Variants in SORT1 observed in about 807,000 individuals in gnomAD.
SORT1 encodes sortilin 1.
SORT1 carries 39 observed loss-of-function variants against 101.7 expected under a neutral mutation model. The observed-to-expected ratio is 0.38, with a 90% CI of 0.30 to 0.50. SORT1 has a LOEUF of 0.50. SORT1 is among the 20% of genes least tolerant of loss of function. The pLI, the probability that SORT1 is intolerant of heterozygous loss-of-function variation, is 0.90. For synonymous variants in SORT1, 396 were observed against 393.7 expected (o/e 1.01, Z -0.07); for missense variants, 878 against 1,040.4 (o/e 0.84, Z 2.15).
At chr1:109,355,328 A>G in intron 4 of SORT1, 39 bp downstream of exon 4, 1 of 999,036 alleles carries the variant, frequency 1.0e-6, no homozygotes, top group African/African-American at 1.6e-5. Flanking sequence ...TGCATGTGGT[A>G]TCAAGCACAA....
At chr1:109,328,315 G>A (rs944539166) in intron 11 of SORT1, among the ~76,000 whole-genome samples, 2 of 152,170 alleles carry the variant, frequency 1.3e-5, no homozygotes, top group African/African-American at 4.8e-5. Flanking sequence ...GAACTACTAT[G>A]CTGTTTTCTG....
chr1:109,347,417 C>A, intron 7 of SORT1, 66 bp downstream of exon 7: 3 of 1,140,850 alleles, frequency 2.6e-6, no homozygotes, highest in Non-Finnish European at 4.0e-6. Context: ...CTACCTTGCA[C>A]AACCCAGAAA....
chr1:109,368,199 C>A (rs1189944855), intron 2 of SORT1, among the ~76,000 whole-genome samples: 1 of 149,308 alleles, frequency 6.7e-6, no homozygotes, highest in Non-Finnish European at 1.5e-5. Flanking sequence ...GAGGCTGAGG[C>A]ATGAGAATTG....
intron 1 of SORT1, among the ~76,000 whole-genome samples, chr1:109,381,104 T>C (rs1426567207): frequency 2.6e-5 from 4 of 152,256 alleles, no homozygotes; most frequent in African/African-American, 9.6e-5. Context: ...TATTTGGTGA[T>C]GCAAATAAAA....
rs11804997 is a variant in SORT1 at position 109,382,436 on chromosome 1, G to A, written c.307-12847C>T. ...CAGGTGTGAACCACCACGCCTGGAC[G>A]CATGTTAGTTTATTCTTATTTATAT... On this transcript the variant is annotated intron_variant, in intron 1 of 19. Coordinates refer to ENST00000256637, the MANE Select transcript of SORT1 (RefSeq NM_002959.7). Among the ~76,000 whole-genome samples the A allele has an allele frequency of 8.7e-3, 1,317 of 152,098 alleles. 29 individuals are homozygous for A. Among genetic ancestry groups the A allele is most frequent in the African/African-American group, 0.03 (1,254 of 41,524 alleles).
intron 3 of SORT1, among the ~76,000 whole-genome samples, chr1:109,359,063 T>C (rs1323452365): frequency 6.6e-6 from 1 of 152,170 alleles, no homozygotes; most frequent in East Asian, 1.9e-4. Flanking sequence ...TAAAAGAATA[T>C]TATAAACTGG....
intron 7 of SORT1, 87 bp from the exon 8 acceptor site, chr1:109,345,968 T>C (rs538612872): frequency 1.9e-4 from 218 of 1,148,602 alleles, no homozygotes; most frequent in South Asian, 3.1e-4. Context: ...CTTAATTTTA[T>C]AGCTAAAGCA....
At chr1:109,387,370 G>A (rs549030408) in intron 1 of SORT1, among the ~76,000 whole-genome samples, 1 of 152,196 alleles carries the variant, frequency 6.6e-6, no homozygotes, top group African/African-American at 2.4e-5. Flanking sequence ...ATATGTGCCT[G>A]TAGTCCTAGC....
Position 109,314,254 on chromosome 1 carries a change from G to A in SORT1, c.2481+7C>T, listed in dbSNP as rs1442890217. On this transcript the variant is annotated splice_region_variant and intron_variant, in intron 19 of 19. Transcript: ENST00000256637. Reference sequence around the variant, plus strand: ...GGGTACTACCATTCAAGAAGAAATAGCCTCACCTCATCTGAGTCATCATGA... The same window carrying A: ...GGGTACTACCATTCAAGAAGAAATAACCTCACCTCATCTGAGTCATCATGA... 3.1e-6 allele frequency: 5 copies of A among 1,610,378 alleles called. No homozygotes were observed. In the African/African-American group the frequency reaches 5.4e-5, roughly 17 times the overall value.
At chr1:109,315,749 T>C (rs1304849750) in intron 17 of SORT1, among the ~76,000 whole-genome samples, 2 of 83,484 alleles carry the variant, frequency 2.4e-5, no homozygotes. Flanking sequence ...CCTCATAACC[T>C]TTTTTTTTTT....
At chr1:109,319,845 C>T (rs1415441732) in intron 15 of SORT1, among the ~76,000 whole-genome samples, 5 of 149,016 alleles carry the variant, frequency 3.4e-5, no homozygotes, top group Admixed American at 6.7e-5. Flanking sequence ...CCGGCCTGGG[C>T]GACAGCACGA....
chr1:109,321,671 A>G (rs1450324828), intron 15 of SORT1, among the ~76,000 whole-genome samples: 3 of 152,180 alleles, frequency 2.0e-5, no homozygotes, highest in African/African-American at 7.2e-5. Flanking sequence ...CTGCGATTTG[A>G]GAGAACATGA....
intron 15 of SORT1, among the ~76,000 whole-genome samples, chr1:109,318,637 G>A (rs1160684677): frequency 5.9e-5 from 9 of 152,074 alleles, no homozygotes; most frequent in Admixed American, 5.9e-4. Flanking sequence ...AGGGATACTT[G>A]GCAATTCTTT....
intron 1 of SORT1, among the ~76,000 whole-genome samples, chr1:109,374,873 C>T (rs557718799): frequency 5.9e-5 from 9 of 152,104 alleles, no homozygotes; most frequent in South Asian, 2.1e-4. Context: ...GCAGGAGAAT[C>T]GCTTGAACCT....
Position 109,325,076 on chromosome 1 carries a change from C to G in SORT1, c.1657G>C (p.Glu553Gln). 1.9e-6 allele frequency: 3 copies of G among 1,609,402 alleles called. No homozygotes were observed. Among genetic ancestry groups the G allele is most frequent in the Non-Finnish European group, 2.5e-6 (3 of 1,176,550 alleles). The stretch of plus-strand genomic sequence containing the variant: ...GTGTAGGTTTGCCAGCATTGACCTT[C>G]GTCTGTGGAGAACCTGAAACCACAA... ...PINVIKFSTD[E>Q]GQCWQTYTFT... Residue 553 changes from glutamate to glutamine, a missense_variant, in exon 14 of 20, where the codon GAA becomes CAA. Physicochemically the swap from Glu to Gln is conservative, Grantham distance 29. This residue lies in a region of SORT1 where 684 missense variants were observed against 894.5 expected (regional missense o/e 0.76). Coordinates refer to ENST00000256637, the MANE Select transcript of SORT1 (RefSeq NM_002959.7).
chr1:109,329,520 T>C (rs1006516232), intron 11 of SORT1, among the ~76,000 whole-genome samples: 14 of 152,236 alleles, frequency 9.2e-5, no homozygotes, highest in African/African-American at 3.4e-4. Context: ...CCCAAAGAGC[T>C]GGGATTACAG....
At chr1:109,325,197 T>C (rs988364331) in intron 13 of SORT1, 108 bp from the exon 14 acceptor site, 5 of 574,142 alleles carry the variant, frequency 8.7e-6, no homozygotes, top group Non-Finnish European at 1.5e-5. Flanking sequence ...CCCTTACATT[T>C]AGGTGGTGGC....
At chr1:109,377,164 A>G (rs1651914544) in intron 1 of SORT1, among the ~76,000 whole-genome samples, 1 of 152,220 alleles carries the variant, frequency 6.6e-6, no homozygotes, top group Admixed American at 6.5e-5. Context: ...ATAAATGTAA[A>G]CTATATGTAC....
intron 1 of SORT1, among the ~76,000 whole-genome samples, chr1:109,392,181 G>C (rs1234800380): frequency 1.3e-5 from 2 of 152,150 alleles, no homozygotes; most frequent in Middle Eastern, 3.2e-3. Context: ...GGAGGGAGAA[G>C]AACAAACGTT....
Sources: gnomAD v4.1 joint callset for allele counts (sites outside exome capture counted in the v4.1 genomes callset) on GRCh38, gnomAD v4.1.1 for gene constraint, gnomAD v4.1.1 regional missense constraint, MANE v1.5 for transcripts, NCBI Gene and HGNC (gene_info 2026-07-23, HGNC 2026-07-21) for gene names.